The following CDC42BPB variants were observed in gnomAD, a reference collection of about 807,000 sequenced individuals.
The protein encoded by CDC42BPB is CDC42 binding protein kinase beta.
Under a neutral mutation model 214.9 loss-of-function variants are expected in CDC42BPB, and 37 were observed. The observed-to-expected ratio is 0.17, with a 90% CI of 0.13 to 0.23. The LOEUF is 0.23. Among genes scored for constraint, CDC42BPB ranks in the 10% least tolerant of loss-of-function variants. The pLI is 1.00. For missense variants in CDC42BPB, 1,694 were observed against 2,227.0 expected, an observed-to-expected ratio of 0.76 and a Z score of 4.82; for synonymous variants, 931 against 884.0, an observed-to-expected ratio of 1.05 and a Z score of -0.94.
At chr14:102,965,534 C>T (rs1452757131) in intron 18 of CDC42BPB, among the ~76,000 whole-genome samples, 3 of 152,090 alleles carry the variant, frequency 2.0e-5, no homozygotes, top group African/African-American at 4.8e-5. Context: ...CATCAACTTT[C>T]GAGAGGTATC....
chr14:102,992,813 T>A (rs1245385498), intron 5 of CDC42BPB, among the ~76,000 whole-genome samples: 1 of 148,270 alleles, frequency 6.7e-6, no homozygotes, highest in African/African-American at 2.5e-5. Flanking sequence ...ATATTAAAAA[T>A]ATATATTTTA....
At chr14:103,005,678 C>G (rs1485695493) in intron 3 of CDC42BPB, among the ~76,000 whole-genome samples, 1 of 151,966 alleles carries the variant, frequency 6.6e-6, no homozygotes, top group Non-Finnish European at 1.5e-5. Context: ...AACAGAGTAA[C>G]AGAGTGAGAC....
chr14:103,034,379 TA>T (rs1421884674), intron 1 of CDC42BPB, among the ~76,000 whole-genome samples: 3 of 152,140 alleles, frequency 2.0e-5, no homozygotes, highest in Non-Finnish European at 2.9e-5. Flanking sequence ...TAAAAAACAG[TA>T]AAAATGAAAA....
intron 1 of CDC42BPB, among the ~76,000 whole-genome samples, chr14:103,047,961 T>C (rs1888389572): frequency 6.6e-6 from 1 of 151,018 alleles, no homozygotes; most frequent in African/African-American, 2.4e-5. Context: ...CGATGAATTC[T>C]TTCTCAGGAA....
In CDC42BPB at chr14:102,982,420, C is replaced by T. The variant is rs373202994; in HGVS notation, c.891+1136G>A. Among the ~76,000 whole-genome samples, 30 of 152,048 alleles carry T rather than the reference C, an allele frequency of 2.0e-4. No homozygotes were observed. The East Asian group carries it at 2.7e-3, about 14-fold the overall frequency. ...GATCTGTCATGTGCACAGGAGACAG[C>T]GGGGAGGGAAATGCTATGAGCACGC... is the stretch of plus-strand genomic sequence containing the variant. On this transcript the variant is annotated intron_variant, in intron 7 of 36. Coordinates refer to ENST00000361246, the MANE Select transcript of CDC42BPB (RefSeq NM_006035.4).
In CDC42BPB at chr14:102,977,183, A is replaced by T. The variant is rs981294845; in HGVS notation, c.1220+943T>A. 4.6e-5 allele frequency among the ~76,000 whole-genome samples: 7 copies of T among 151,874 alleles called. No individual in the cohort carries two copies. In the East Asian group the frequency reaches 1.4e-3, roughly 29 times the overall value. On this transcript the variant is annotated intron_variant, in intron 9 of 36. Transcript: ENST00000361246. ...GTGAAACCCTCTCTCTACTAAAATAAAAAAAATTAGTCGGGCGTGGTGGCG... is the reference window on the plus strand; with the variant it reads ...GTGAAACCCTCTCTCTACTAAAATATAAAAAATTAGTCGGGCGTGGTGGCG...
chr14:102,985,732 T>C (rs536143466), intron 6 of CDC42BPB, among the ~76,000 whole-genome samples: 2 of 152,344 alleles, frequency 1.3e-5, no homozygotes, highest in South Asian at 2.1e-4. Context: ...TTAGACCTTA[T>C]GATAAGTGTA....
chr14:103,012,329 A>C (rs1570257), intron 1 of CDC42BPB, 141 bp from the exon 2 acceptor site: 41,473 of 1,442,242 alleles, frequency 0.029, 1,721 homozygotes, highest in African/African-American at 0.2. Flanking sequence ...TGTTTTGGAA[A>C]GTGAGCACTT....
chr14:102,976,163 C>T (rs1217789471), intron 9 of CDC42BPB, 114 bp from the exon 10 acceptor site: 9 of 1,497,392 alleles, frequency 6.0e-6, no homozygotes, highest in Non-Finnish European at 8.0e-6. Flanking sequence ...AACAAAAACA[C>T]CTGAGATAAG....
chr14:103,049,053 A>T (rs1033818522), intron 1 of CDC42BPB, among the ~76,000 whole-genome samples: 4 of 152,244 alleles, frequency 2.6e-5, no homozygotes, highest in Non-Finnish European at 5.9e-5. Context: ...AAAATTATAT[A>T]AACATATTTG....
chr14:103,021,770 G>C (rs1490005564), intron 1 of CDC42BPB, among the ~76,000 whole-genome samples: 1 of 152,164 alleles, frequency 6.6e-6, no homozygotes, highest in African/African-American at 2.4e-5. Flanking sequence ...GGAGCGGGGT[G>C]GGCCAGAGCG....
Position 102,966,391 on chromosome 14 carries a change from G to A in CDC42BPB, c.2472-4C>T. 6 of 1,613,262 alleles carry A rather than the reference G, an allele frequency of 3.7e-6. No homozygotes were observed. The highest frequency in any genetic ancestry group is 5.1e-6 in the Non-Finnish European group (6 of 1,179,436). On this transcript the variant is annotated splice_polypyrimidine_tract_variant and splice_region_variant and intron_variant, in intron 17 of 36. Coordinates refer to ENST00000361246, the MANE Select transcript of CDC42BPB (RefSeq NM_006035.4). Reference sequence around the variant, plus strand: ...GGCATCTTTCTCGTCACTGACCCTGGAGGAGGGAACAGATGTTCTATCTCA... The same window carrying A: ...GGCATCTTTCTCGTCACTGACCCTGAAGGAGGGAACAGATGTTCTATCTCA...
chr14:103,054,067 G>A (rs1888806119), intron 1 of CDC42BPB, among the ~76,000 whole-genome samples: 1 of 151,956 alleles, frequency 6.6e-6, no homozygotes, highest in African/African-American at 2.4e-5. Flanking sequence ...GTTTTGTCAG[G>A]TTGCTCAGGC....
chr14:102,943,949 C>T lies in CDC42BPB; in HGVS notation c.4350G>A (p.Pro1450=), dbSNP rs760320198. 5 of 1,612,750 alleles carry T rather than the reference C, an allele frequency of 3.1e-6. No homozygotes were observed. The highest frequency in any genetic ancestry group is 1.7e-5 in the Admixed American group (1 of 60,016). The change falls in exon 30 of 37, where the codon CCG becomes CCA. Residue 1450 remains proline (P), a synonymous_variant. Transcript: ENST00000361246. This position sits in a 1 kb window ranked among gnomAD's most constrained non-coding sequence, Gnocchi z 4.6. ...CCTGCGCGCGTGCCCTCCGGCCTTG[C>T]GGGTCCACGTACAGTCCCATGTGGC... The part of the protein sequence containing the change: ...CFSHMGLYVD[P]QGRRARAQEL...
At chr14:103,015,152 C>T (rs550819751) in intron 1 of CDC42BPB, among the ~76,000 whole-genome samples, 49 of 152,248 alleles carry the variant, frequency 3.2e-4, no homozygotes, top group Admixed American at 5.9e-4. Context: ...CTTGGAGAGG[C>T]AAAACCACAA....
chr14:103,019,639 C>T (rs1005667721), intron 1 of CDC42BPB, among the ~76,000 whole-genome samples: 2 of 152,178 alleles, frequency 1.3e-5, no homozygotes, highest in Admixed American at 1.3e-4. Context: ...GGGTTCGCAC[C>T]CCTCCTAAGA....
chr14:102,995,186 T>A (rs936385092), intron 5 of CDC42BPB, among the ~76,000 whole-genome samples: 4 of 152,314 alleles, frequency 2.6e-5, no homozygotes, highest in Non-Finnish European at 2.9e-5. Context: ...TCTCTTTTTT[T>A]TTTTTGAGAC....
At chr14:102,987,003 CTGTGCTG>C (rs1894273844) in intron 5 of CDC42BPB, among the ~76,000 whole-genome samples, 1 of 152,240 alleles carries the variant, frequency 6.6e-6, no homozygotes, top group African/African-American at 2.4e-5. Context: ...GGTGCAAGCT[CTGTGCTG>C]AGTACCACGG....
Position 102,972,179 on chromosome 14 carries a change from T to C in CDC42BPB, c.1642-18A>G, listed in dbSNP as rs200831652. The C allele has an allele frequency of 2.1e-4, 342 of 1,609,936 alleles. 1 individual carries two copies. In the African/African-American group the frequency reaches 3.0e-3, roughly 14 times the overall value. On this transcript the variant is annotated intron_variant, in intron 12 of 36. Transcript: ENST00000361246. ...ACCAGTTGCTGAACAAAAACAATTATAGATGTTTTACGTTTGCCTAACAAA... is the reference window on the plus strand; with the variant it reads ...ACCAGTTGCTGAACAAAAACAATTACAGATGTTTTACGTTTGCCTAACAAA...
Sources: allele counts gnomAD v4.1 joint callset (sites outside exome capture counted in the v4.1 genomes callset), GRCh38; gene constraint gnomAD v4.1.1; non-coding constraint Gnocchi (gnomAD v3.1); transcripts MANE v1.5; gene names NCBI Gene and HGNC (gene_info 2026-07-23, HGNC 2026-07-21).